GATA1: variants seen among roughly 807,000 people sequenced by gnomAD.
GATA1 encodes erythroid transcription factor.
In GATA1, 2 loss-of-function variants were observed where a neutral mutation model predicts 18.9. The ratio of observed to expected loss-of-function variants is 0.11; its 90% CI spans 0.04 to 0.33. GATA1 has a LOEUF of 0.33. Among genes scored for constraint, GATA1 ranks in the 10% least tolerant of loss-of-function variants. The probability of loss-of-function intolerance (pLI) is 1.00; values close to 1 mark genes in which losing one functional copy is unlikely to be tolerated. For synonymous variants in GATA1, 152 were observed against 149.1 expected, an observed-to-expected ratio of 1.02 and a Z score of -0.14; for missense variants, 272 against 344.7, an observed-to-expected ratio of 0.79 and a Z score of 1.67.
At chrX:48,791,358 T>C in intron 2 of GATA1, 29 bp downstream of exon 2, 1 of 1,135,431 alleles carries the variant, frequency 8.8e-7, no homozygotes, top group Non-Finnish European at 1.2e-6. Context: ...TGTCTTGGCA[T>C]TGGCTGAGTG....
At position 48,791,341 on chromosome X, in the gene GATA1, G is replaced by A. The variant is rs2062674583; in HGVS notation, c.220+12G>A. ...CAGACACTCCCCAGGTAACTCCATT[G>A]AGTGGCTGTCTTGGCATTGGCTGAG... On this transcript the variant is annotated intron_variant, in intron 2 of 5. Coordinates refer to ENST00000376670, the MANE Select transcript of GATA1 (RefSeq NM_002049.4). 4 of 1,180,530 alleles carry A rather than the reference G, an allele frequency of 3.4e-6. No individual in the cohort carries two copies. In the Admixed American group the frequency reaches 9.3e-5, roughly 27 times the overall value.
At chrX:48,789,229 C>G (rs2062666262) in intron 1 of GATA1, among the ~76,000 whole-genome samples, 1 of 109,361 alleles carries the variant, frequency 9.1e-6, no homozygotes, top group Non-Finnish European at 1.9e-5. Context: ...ATCACTTGAA[C>G]CTGGGAGGCT....
intron 1 of GATA1, among the ~76,000 whole-genome samples, chrX:48,787,947 CACTT>C (rs1289930532): frequency 9.0e-6 from 1 of 111,490 alleles, no homozygotes; most frequent in Non-Finnish European, 1.9e-5. Flanking sequence ...GTTGGGGCAA[CACTT>C]ACTCTAGTGG....
chrX:48,794,039 T>A lies in GATA1; in HGVS notation c.1117T>A (p.Ser373Thr). ...LYQGLGPVVL[S>T]GPVSHLMPFP... Reference sequence around the variant, plus strand: ...CCAAGGCCTGGGCCCTGTGGTGCTGTCAGGGCCTGTTAGCCACCTCATGCC... The same window carrying A: ...CCAAGGCCTGGGCCCTGTGGTGCTGACAGGGCCTGTTAGCCACCTCATGCC... The change falls in exon 6 of 6, where the codon TCA becomes ACA. Residue 373 changes from serine (S) to threonine (T), a missense_variant. Coordinates refer to ENST00000376670, the MANE Select transcript of GATA1 (RefSeq NM_002049.4). The A allele has an allele frequency of 8.3e-7, 1 of 1,211,091 alleles. No homozygotes were observed. Among genetic ancestry groups the A allele is most frequent in the South Asian group, 1.8e-5 (1 of 56,790 alleles).
At position 48,791,274 on chromosome X, in the gene GATA1, T is replaced by C; in HGVS notation, c.165T>C (p.Ala55=). 1 of 1,207,394 alleles carries C rather than the reference T, an allele frequency of 8.3e-7. No individual in the cohort carries two copies. Among genetic ancestry groups the C allele is most frequent in the Non-Finnish European group, 1.1e-6 (1 of 893,468 alleles). Residue 55 remains alanine (A), a synonymous_variant, in exon 2 of 6, where the codon GCT becomes GCC. Coordinates refer to ENST00000376670, the MANE Select transcript of GATA1 (RefSeq NM_002049.4). The part of the protein sequence containing the change: ...ASSTAPSTAT[A]AAAALAYYRD... ...CCACTGCCCCGAGCACAGCCACCGC[T>C]GCAGCTGCGGCACTGGCCTACTACA...
rs1378991052 is a variant in GATA1, at chrX:48,791,995, G to C, written c.372G>C (p.Leu124=). Residue 124 remains leucine (L), a synonymous_variant, in exon 3 of 6, where the codon CTG becomes CTC. Transcript: ENST00000376670. ...EDSPPQAVED[L]DGKGSTSFLE... is the part of the protein sequence containing the mutation. The stretch of plus-strand genomic sequence containing the variant: ...CTCCTCCCCAGGCCGTGGAAGATCT[G>C]GATGGAAAAGGCAGCACCAGCTTCC... 1 of 1,210,093 alleles carries C rather than the reference G, an allele frequency of 8.3e-7. No homozygotes were observed. The highest frequency in any genetic ancestry group is 1.7e-5 in the African/African-American group (1 of 57,196).
At position 48,794,266 on chromosome X, in the gene GATA1, T is replaced by C. The variant is rs1557020702; in HGVS notation, c.*102T>C. ...TCTGGGCCCCAGGCACCCCCTGGCTTGAACCTTCAAAGCTTTTGTAAAATA... is the reference window on the plus strand; with the variant it reads ...TCTGGGCCCCAGGCACCCCCTGGCTCGAACCTTCAAAGCTTTTGTAAAATA... On this transcript the variant is annotated 3_prime_UTR_variant, in exon 6 of 6. Coordinates refer to ENST00000376670, the MANE Select transcript of GATA1 (RefSeq NM_002049.4). The C allele has an allele frequency of 1.0e-6, 1 of 996,024 alleles. No individual in the cohort carries two copies. The highest frequency in any genetic ancestry group is 3.2e-5 in the East Asian group (1 of 31,603). 82.1% of individuals were successfully genotyped at this position (996,024 alleles called of 1,213,427 possible). A position where few individuals can be genotyped will look rare whatever the true frequency, so the allele number is the denominator to read the frequency against.
rs2147306544 is a variant in GATA1 at position 48,792,067 on chromosome X, G to A, written c.444G>A (p.Leu148=). 8.3e-7 allele frequency: 1 copy of A among 1,211,848 alleles called. No homozygotes were observed. Among genetic ancestry groups the A allele is most frequent in the Admixed American group, 2.2e-5 (1 of 46,089 alleles). ...GGCTGAGCCCAGACCTCCTGACCCT[G>A]GGACCTGCACTGCCTTCATCACTCC... The part of the protein sequence containing the change: ...TERLSPDLLT[L]GPALPSSLPV... The change falls in exon 3 of 6, where the codon CTG becomes CTA. Residue 148 remains leucine (L), a synonymous_variant. Coordinates refer to ENST00000376670, the MANE Select transcript of GATA1 (RefSeq NM_002049.4).
At chrX:48,792,537 T>C (rs1400687171) in intron 4 of GATA1, 69 bp downstream of exon 4, 28 of 1,168,241 alleles carry the variant, frequency 2.4e-5, no homozygotes, top group Non-Finnish European at 3.3e-5. Flanking sequence ...AGAAGCCACA[T>C]CTTCCCATTA....
At chrX:48,791,473 C>T in intron 2 of GATA1, 144 bp downstream of exon 2, 1 of 605,802 alleles carries the variant, frequency 1.7e-6, no homozygotes, top group Middle Eastern at 4.8e-4. Context: ...ACCACTTTCC[C>T]TAGTTAAGTG....
In GATA1 at chrX:48,791,345, G is replaced by T. The variant is rs1456297051; in HGVS notation, c.220+16G>T. On this transcript the variant is annotated intron_variant, in intron 2 of 5. Transcript: ENST00000376670. Reference sequence around the variant, plus strand: ...CACTCCCCAGGTAACTCCATTGAGTGGCTGTCTTGGCATTGGCTGAGTGCT... The same window carrying T: ...CACTCCCCAGGTAACTCCATTGAGTTGCTGTCTTGGCATTGGCTGAGTGCT... 1 of 1,170,936 alleles carries T rather than the reference G, an allele frequency of 8.5e-7. No homozygotes were observed. Among genetic ancestry groups the T allele is most frequent in the East Asian group, 3.0e-5 (1 of 33,069 alleles).
At chrX:48,790,951 G>A (rs2062672465) in intron 1 of GATA1, 140 bp from the exon 2 acceptor site, 2 of 473,295 alleles carry the variant, frequency 4.2e-6, no homozygotes, top group Non-Finnish European at 7.5e-6. Context: ...GAGGAGGAGG[G>A]GGGAATGGGG....
intron 4 of GATA1, among the ~76,000 whole-genome samples, chrX:48,792,703 ACTC>A (rs1269134573): frequency 9.1e-6 from 1 of 110,082 alleles, no homozygotes; most frequent in African/African-American, 3.3e-5. Context: ...CTGCATGAGA[ACTC>A]CTGCCCTTTC....
At chrX:48,789,703 G>A (rs2062667914) in intron 1 of GATA1, among the ~76,000 whole-genome samples, 1 of 107,637 alleles carries the variant, frequency 9.3e-6, no homozygotes, top group Non-Finnish European at 1.9e-5. Flanking sequence ...GTTGGGCGGG[G>A]AAGGCAGAGA....
At position 48,793,249 on chromosome X, in the gene GATA1, T is replaced by C. The variant is rs781852329; in HGVS notation, c.822T>C (p.Ser274=). 6.6e-6 allele frequency: 8 copies of C among 1,209,531 alleles called. No individual in the cohort carries two copies. The Admixed American group carries it at 8.7e-5, about 13-fold the overall frequency. ...TTTTLWRRNA[S]GDPVCNACGL... is the part of the protein sequence containing the mutation. The stretch of plus-strand genomic sequence containing the variant: ...CGACACTGTGGCGGAGAAATGCCAG[T>C]GGGGATCCCGTGTGCAATGCCTGCG... Residue 274 remains serine (S), a synonymous_variant, in exon 5 of 6, where the codon AGT becomes AGC. Transcript: ENST00000376670.
intron 4 of GATA1, 28 bp downstream of exon 4, chrX:48,792,496 TAC>T: frequency 9.1e-6 from 11 of 1,209,308 alleles, no homozygotes; most frequent in Non-Finnish European, 1.1e-5. Flanking sequence ...CTTCACCTTA[TAC>T]ACAGGAACCC....
chrX:48,788,265 A>T (rs1459740179), intron 1 of GATA1, among the ~76,000 whole-genome samples: 1 of 110,619 alleles, frequency 9.0e-6, no homozygotes, highest in Non-Finnish European at 1.9e-5. Context: ...AGACACAGAG[A>T]CAAAGAGCAA....
chrX:48,790,618 G>A (rs1428920460), intron 1 of GATA1, among the ~76,000 whole-genome samples: 3 of 105,957 alleles, frequency 2.8e-5, no homozygotes, highest in African/African-American at 1.0e-4. Flanking sequence ...GGAAGCAGGA[G>A]AGAATGAGAA....
rs2062682827 is a variant in GATA1 at position 48,793,997 on chromosome X, G to A, written c.1075G>A (p.Gly359Ser). The change falls in exon 6 of 6, where the codon GGT becomes AGT. Residue 359 changes from glycine to serine, a missense_variant. By Grantham distance (56) the Gly-to-Ser change is moderately conservative. Coordinates refer to ENST00000376670, the MANE Select transcript of GATA1 (RefSeq NM_002049.4). ...TTCAGGCCTGACACTGGGCCCCCCA[G>A]GTACTGCCCATCTCTACCAAGGCCT... The part of the protein sequence containing the change: ...VASGLTLGPP[G>S]TAHLYQGLGP... The A allele has an allele frequency of 1.7e-6, 2 of 1,208,753 alleles. No homozygotes were observed. Among genetic ancestry groups the A allele is most frequent in the African/African-American group, 3.5e-5 (2 of 57,390 alleles).
Sources: allele counts gnomAD v4.1 joint callset (sites outside exome capture counted in the v4.1 genomes callset), GRCh38; gene constraint gnomAD v4.1.1; transcripts MANE v1.5; gene names NCBI Gene and HGNC (gene_info 2026-07-23, HGNC 2026-07-21).